FXR2: variants seen among roughly 807,000 people sequenced by gnomAD.
FXR2 encodes the protein FMR1 autosomal homolog 2, also known as RNA-binding protein FXR2.
FXR2 carries 9 observed loss-of-function variants against 87.3 expected under a neutral mutation model. The ratio of observed to expected loss-of-function variants is 0.10; its 90% CI spans 0.06 to 0.18. The LOEUF (loss-of-function observed/expected upper bound fraction) is 0.18, where lower values mean the gene tolerates loss of function less well. Among genes scored for constraint, FXR2 ranks in the 10% least tolerant of loss-of-function variants. The pLI is 1.00. For missense variants in FXR2, 661 were observed against 893.6 expected (o/e 0.74, Z 3.32); for synonymous variants, 331 against 328.3 (o/e 1.01, Z -0.09).
chr17:7,594,072 G>C lies in FXR2; in HGVS notation c.1021-68C>G. On this transcript the variant is annotated intron_variant, in intron 10 of 16. Transcript: ENST00000250113. This position sits in a 1 kb window ranked among gnomAD's most constrained non-coding sequence, Gnocchi z 5.1. Reference sequence around the variant, plus strand: ...GAAATGGAAGGATTAACGCCGCCCAGTCTCCTAGGGGAGCCTGCCCAGTGG... The same window carrying C: ...GAAATGGAAGGATTAACGCCGCCCACTCTCCTAGGGGAGCCTGCCCAGTGG... 2 of 1,102,672 alleles carry C rather than the reference G, an allele frequency of 1.8e-6. No homozygotes were observed. Among genetic ancestry groups the C allele is most frequent in the Non-Finnish European group, 2.8e-6 (2 of 715,176 alleles). The allele number at this position is 1,102,672 out of a possible 1,614,324, so 68.3% of individuals were successfully genotyped here.
chr17:7,595,758 T>C lies in FXR2; in HGVS notation c.831+66A>G, dbSNP rs2071702400. On this transcript the variant is annotated intron_variant, in intron 8 of 16. Coordinates refer to ENST00000250113, the MANE Select transcript of FXR2 (RefSeq NM_004860.4). The surrounding 1 kb of genome is among the most constrained non-coding windows in gnomAD (Gnocchi z 4.7). The stretch of plus-strand genomic sequence containing the variant: ...CCACTGTGCCCAGTTTGAGGCTTAT[T>C]TTCTACTTCGGCCTCTCTTCCCTCT... The C allele has an allele frequency of 2.2e-6, 3 of 1,362,712 alleles. No homozygotes were observed. The Admixed American group carries it at 5.7e-5, about 26-fold the overall frequency. The allele number at this position is 1,362,712 out of a possible 1,614,324, so 84.4% of individuals were successfully genotyped here.
In FXR2 at chr17:7,593,470, C is replaced by T. The variant is rs902507122; in HGVS notation, c.1263G>A (p.Ala421=). ...TDESSSSSLH[A]TRTYGGSYGG... ...CATAGCTGCCCCCATAGGTTCGAGT[C>T]GCATGGAGGGAGGAGGAGGAGCTCT... is the stretch of plus-strand genomic sequence containing the variant. The change falls in exon 12 of 17, where the codon GCG becomes GCA. Residue 421 remains alanine, a synonymous_variant. Transcript: ENST00000250113. This position sits in a 1 kb window ranked among gnomAD's most constrained non-coding sequence, Gnocchi z 6.1. The T allele has an allele frequency of 8.2e-6, 13 of 1,589,772 alleles. No individual in the cohort carries two copies. Among genetic ancestry groups the T allele is most frequent in the South Asian group, 2.3e-5 (2 of 87,238 alleles).
At chr17:7,601,352 G>A in intron 7 of FXR2, 57 bp downstream of exon 7, 2 of 927,498 alleles carry the variant, frequency 2.2e-6, no homozygotes, top group Non-Finnish European at 3.6e-6. Context: ...TGGAGGACAG[G>A]GTAGGAAGGG....
chr17:7,592,268 G>T lies in FXR2; in HGVS notation c.1912C>A (p.Leu638Ile). ...TGCCTGCCTACCTTCTGTCCTGAAA[G>T]AGAGTCTTCTGAGGGTTTAGTGCGT... The part of the protein sequence containing the change: ...LERTKPSEDS[L>I]SGQKGDSVSK... The change falls in exon 16 of 17, where the codon CTT becomes ATT. Residue 638 changes from leucine (L) to isoleucine (I), a missense_variant. By Grantham distance (5) the Leu-to-Ile change is conservative (BLOSUM62 2). Around this residue, in one of 3 missense-constraint regions of FXR2, gnomAD observed 409 missense variants for 432.0 expected, o/e 0.95. Coordinates refer to ENST00000250113, the MANE Select transcript of FXR2 (RefSeq NM_004860.4). This position sits in a 1 kb window ranked among gnomAD's most constrained non-coding sequence, Gnocchi z 4.8. The T allele has an allele frequency of 6.2e-7, 1 of 1,611,022 alleles. No homozygotes were observed. Among genetic ancestry groups the T allele is most frequent in the Non-Finnish European group, 8.5e-7 (1 of 1,177,154 alleles).
Position 7,593,147 on chromosome 17 carries a change from A to G in FXR2, c.1365T>C (p.Thr455=), listed in dbSNP as rs374117407. ...TGGGCTCCTCTCTCTTCTCTGACTC[A>G]GTCTCTGAAGCTGTAGACACATCTG... ...PSSDVSTASE[T]ESEKREEPNR... is the part of the protein sequence containing the mutation. The change falls in exon 13 of 17, where the codon ACT becomes ACC. Residue 455 remains threonine (T), a synonymous_variant. Coordinates refer to ENST00000250113, the MANE Select transcript of FXR2 (RefSeq NM_004860.4). The surrounding 1 kb of genome is among the most constrained non-coding windows in gnomAD (Gnocchi z 6.1). 7.4e-5 allele frequency: 114 copies of G among 1,548,030 alleles called. No individual in the cohort carries two copies. The African/African-American group carries it at 1.4e-3, about 19-fold the overall frequency.
intron 7 of FXR2, among the ~76,000 whole-genome samples, chr17:7,599,151 A>AT (rs933276757): frequency 3.5e-5 from 5 of 144,228 alleles, no homozygotes; most frequent in African/African-American, 1.2e-4. Context: ...AAAAAAAAAA[A>AT]TAGCCAGGTA....
At chr17:7,611,660 CCT>C (rs1174725441) in intron 1 of FXR2, among the ~76,000 whole-genome samples, 2 of 151,606 alleles carry the variant, frequency 1.3e-5, no homozygotes, top group Non-Finnish European at 2.9e-5. Context: ...AGAGGGAGAC[CCT>C]GTCTCAAATA....
At chr17:7,608,135 T>A (rs75279674) in intron 1 of FXR2, among the ~76,000 whole-genome samples, 3 of 151,874 alleles carry the variant, frequency 2.0e-5, no homozygotes, top group Admixed American at 1.3e-4. Flanking sequence ...AATTTTTTTT[T>A]AATAGAGACA....
intron 7 of FXR2, 134 bp downstream of exon 7, chr17:7,601,275 T>C (rs572373898): frequency 4.9e-6 from 3 of 610,290 alleles, no homozygotes; most frequent in African/African-American, 3.7e-5. Flanking sequence ...TGAGATAAAA[T>C]AGCTGACCCA....
intron 1 of FXR2, chr17:7,614,173 G>A (rs2071910460): frequency 1.5e-6 from 1 of 651,872 alleles, no homozygotes; most frequent in African/African-American, 1.8e-5. Context: ...GGTCTCTCCT[G>A]CGGAGCGGGG....
chr17:7,602,284 T>C (rs915008793), intron 6 of FXR2, among the ~76,000 whole-genome samples: 1 of 145,812 alleles, frequency 6.9e-6, no homozygotes, highest in Non-Finnish European at 1.5e-5. Flanking sequence ...TAGCCGGGCA[T>C]GTCGGGCGCG....
rs979626474 is a variant in FXR2, at chr17:7,613,997, T to C, written c.81+455A>G. ...CAGAGCCAGTAGGCAGAGGCCTCTC[T>C]GAGGAAGATGAAAGGATCTTTTACG... On this transcript the variant is annotated intron_variant, in intron 1 of 16. Transcript: ENST00000250113. 34 of 455,546 alleles carry C rather than the reference T, an allele frequency of 7.5e-5. No individual in the cohort carries two copies. In the Admixed American group the frequency reaches 8.0e-4, roughly 11 times the overall value. 28.2% of individuals were successfully genotyped at this position (455,546 alleles called of 1,614,324 possible).
chr17:7,609,105 T>C (rs1251550671), intron 1 of FXR2, among the ~76,000 whole-genome samples: 3 of 152,154 alleles, frequency 2.0e-5, no homozygotes, highest in African/African-American at 7.2e-5. Context: ...AGCAAGACCG[T>C]GACTCAAAAA....
chr17:7,609,740 T>A (rs1022427543), intron 1 of FXR2, among the ~76,000 whole-genome samples: 2 of 151,716 alleles, frequency 1.3e-5, no homozygotes, highest in African/African-American at 4.8e-5. Context: ...CCACAACCAC[T>A]AATATTTTAT....
rs34323537 is a variant in FXR2 at position 7,612,996 on chromosome 17, CAAAAAAAAAAAA to C, written c.81+1444_81+1455del. The stretch of plus-strand genomic sequence containing the variant: ...TGGGCAACAGGGCGAGACTCCATCT[CAAAAAAAAAAAA>C]AAAAAAAAAAAAAATGACTACAATG... On this transcript the variant is annotated intron_variant, in intron 1 of 16. Transcript: ENST00000250113. Among the ~76,000 whole-genome samples, 6 of 49,566 alleles carry C rather than the reference CAAAAAAAAAAAA, an allele frequency of 1.2e-4. No individual in the cohort carries two copies. The South Asian group carries it at 4.7e-3, about 39-fold the overall frequency. 32.5% of individuals were successfully genotyped at this position (49,566 alleles called of 152,430 possible).
Position 7,593,735 on chromosome 17 carries a change from G to C in FXR2, c.1108-110C>G. 2.3e-6 allele frequency: 2 copies of C among 867,142 alleles called. No individual in the cohort carries two copies. The highest frequency in any genetic ancestry group is 1.8e-6 in the Non-Finnish European group (1 of 544,318). The allele number at this position is 867,142 out of a possible 1,614,324, so 53.7% of individuals were successfully genotyped here. On this transcript the variant is annotated intron_variant, in intron 11 of 16. Coordinates refer to ENST00000250113, the MANE Select transcript of FXR2 (RefSeq NM_004860.4). The surrounding 1 kb of genome is among the most constrained non-coding windows in gnomAD (Gnocchi z 6.1). Reference sequence around the variant, plus strand: ...ATATCTAACCTCTCAGGAATGCAGGGAGAAGGAAGACACTGGCTAAACAAG... The same window carrying C: ...ATATCTAACCTCTCAGGAATGCAGGCAGAAGGAAGACACTGGCTAAACAAG...
rs1334874389 is a variant in FXR2, at chr17:7,593,348, G to A, written c.1330+55C>T. On this transcript the variant is annotated intron_variant, in intron 12 of 16. Coordinates refer to ENST00000250113, the MANE Select transcript of FXR2 (RefSeq NM_004860.4). This position sits in a 1 kb window ranked among gnomAD's most constrained non-coding sequence, Gnocchi z 6.1. ...TCCCCAAACTTCCATCCAGACCTCT[G>A]CCTCTACCCACAAGCCCTGCCACTC... 7.2e-7 allele frequency: 1 copy of A among 1,382,268 alleles called. No homozygotes were observed. The highest frequency in any genetic ancestry group is 1.0e-6 in the Non-Finnish European group (1 of 999,334). 85.6% of individuals were successfully genotyped at this position (1,382,268 alleles called of 1,614,324 possible).
chr17:7,611,439 G>A (rs1042385120), intron 1 of FXR2, among the ~76,000 whole-genome samples: 4 of 152,144 alleles, frequency 2.6e-5, no homozygotes, highest in African/African-American at 7.2e-5. Context: ...AGGCCAAGGC[G>A]GGCGAATCTC....
chr17:7,592,149 C>T lies in FXR2; in HGVS notation c.1926+105G>A, dbSNP rs1435323487. The T allele has an allele frequency of 4.5e-6, 7 of 1,544,700 alleles. No individual in the cohort carries two copies. The highest frequency in any genetic ancestry group is 1.2e-5 in the South Asian group (1 of 80,202). ...ACACTGGTCTAAACTCCATCAGACACAGCTGCCTCTGCAATTCAGTAGGAG... is the reference window on the plus strand; with the variant it reads ...ACACTGGTCTAAACTCCATCAGACATAGCTGCCTCTGCAATTCAGTAGGAG... On this transcript the variant is annotated intron_variant, in intron 16 of 16. Coordinates refer to ENST00000250113, the MANE Select transcript of FXR2 (RefSeq NM_004860.4). The surrounding 1 kb of genome is among the most constrained non-coding windows in gnomAD (Gnocchi z 4.8).
Sources: gnomAD v4.1 joint callset for allele counts (sites outside exome capture counted in the v4.1 genomes callset) on GRCh38, gnomAD v4.1.1 for gene constraint, gnomAD v4.1.1 regional missense constraint, Gnocchi (gnomAD v3.1) non-coding constraint, MANE v1.5 for transcripts, NCBI Gene and HGNC (gene_info 2026-07-23, HGNC 2026-07-21) for gene names.